TBL1XR1: variants seen among roughly 807,000 people sequenced by gnomAD.
The protein encoded by TBL1XR1 is TBL1X/Y related 1.
A neutral mutation model predicts 66.9 loss-of-function variants in TBL1XR1; 5 were observed. The ratio of observed to expected loss-of-function variants is 0.07; its 90% CI spans 0.04 to 0.16. TBL1XR1 has a LOEUF of 0.16. Among genes scored for constraint, TBL1XR1 ranks in the 10% least tolerant of loss-of-function variants. The pLI is 1.00. For synonymous variants in TBL1XR1, 210 were observed against 206.0 expected (o/e 1.02, Z -0.17); for missense variants, 238 against 623.2 (o/e 0.38, Z 6.58).
At chr3:177,135,540 C>G (rs1291091657) in intron 1 of TBL1XR1, among the ~76,000 whole-genome samples, 2 of 150,588 alleles carry the variant, frequency 1.3e-5, no homozygotes, top group African/African-American at 4.9e-5. Context: ...CCCGCCACCA[C>G]GCCTGGCTAA....
chr3:177,171,754 T>G (rs114803937), intron 1 of TBL1XR1, among the ~76,000 whole-genome samples: 3,225 of 83,202 alleles, frequency 0.039, 130 homozygotes, highest in African/African-American at 0.13. Context: ...AAAAAAGAAA[T>G]CCAGGGCTTT....
intron 2 of TBL1XR1, among the ~76,000 whole-genome samples, chr3:177,083,080 C>T (rs1721644685): frequency 6.6e-6 from 1 of 151,928 alleles, no homozygotes; most frequent in South Asian, 2.1e-4. Flanking sequence ...CAATAAAAAT[C>T]ATACAGCATT....
chr3:177,064,538 T>C (rs1718916573), intron 3 of TBL1XR1, among the ~76,000 whole-genome samples: 2 of 152,216 alleles, frequency 1.3e-5, no homozygotes, highest in Admixed American at 1.3e-4. Context: ...ATACTGTTAA[T>C]TTAATTTCCA....
intron 1 of TBL1XR1, among the ~76,000 whole-genome samples, chr3:177,139,049 A>C (rs73171109): frequency 0.094 from 14,260 of 152,240 alleles, 812 homozygotes; most frequent in Admixed American, 0.17. Flanking sequence ...TGCACCAAAA[A>C]TTTGCCAAAA....
chr3:177,043,086 T>C (rs1442819947), intron 10 of TBL1XR1, among the ~76,000 whole-genome samples: 1 of 152,096 alleles, frequency 6.6e-6, no homozygotes, highest in Non-Finnish European at 1.5e-5. Flanking sequence ...GAAGTGTGGG[T>C]TCCTGAGTAC....
rs1712096174 is a variant in TBL1XR1 at position 177,019,557 on chromosome 3, C to G, written c.*5941G>C. ...ACTTTGGTACAGCAGAGAAAAGCAC[C>G]ATAAAACTACCATCTAAAGTGTCTT... On this transcript the variant is annotated 3_prime_UTR_variant, in exon 16 of 16. Transcript: ENST00000457928. 6.6e-6 allele frequency: 1 copy of G among 152,116 alleles called. No homozygotes were observed. The highest frequency in any genetic ancestry group is 2.4e-5 in the African/African-American group (1 of 41,426). The allele number at this position is 152,116 out of a possible 1,614,324, so 9.4% of individuals were successfully genotyped here.
At chr3:177,176,204 T>C (rs1734129365) in intron 1 of TBL1XR1, among the ~76,000 whole-genome samples, 1 of 152,044 alleles carries the variant, frequency 6.6e-6, no homozygotes, top group African/African-American at 2.4e-5. Flanking sequence ...TTTCTTGTTT[T>C]TTGTTTTTGA....
intron 3 of TBL1XR1, among the ~76,000 whole-genome samples, chr3:177,060,791 A>G (rs1410665708): frequency 6.6e-6 from 1 of 152,252 alleles, no homozygotes; most frequent in East Asian, 1.9e-4. Context: ...ATGTACCACT[A>G]AGTATTTATC....
intron 2 of TBL1XR1, among the ~76,000 whole-genome samples, chr3:177,075,420 A>T (rs957786894): frequency 6.6e-6 from 1 of 152,218 alleles, no homozygotes; most frequent in Non-Finnish European, 1.5e-5. Context: ...TCCATTCCAA[A>T]TAAGTCACAT....
At chr3:177,047,704 A>C (rs1716507149) in intron 7 of TBL1XR1, 155 bp from the exon 8 acceptor site, 2 of 730,714 alleles carry the variant, frequency 2.7e-6, no homozygotes, top group Non-Finnish European at 4.5e-6. Flanking sequence ...GTGCCACTAA[A>C]GGCCTATGAA....
intron 3 of TBL1XR1, among the ~76,000 whole-genome samples, chr3:177,055,453 CCT>C (rs1717674619): frequency 6.7e-6 from 1 of 149,444 alleles, no homozygotes; most frequent in East Asian, 2.0e-4. Flanking sequence ...GATTTTAGCC[CCT>C]GATTTTGCCC....
chr3:177,201,479 G>T (rs1310168416), upstream of TBL1XR1, among the ~76,000 whole-genome samples: 2 of 151,216 alleles, frequency 1.3e-5, no homozygotes, highest in Non-Finnish European at 2.9e-5. Flanking sequence ...TTTCCGAGAG[G>T]AGTGTGGCAT....
chr3:177,197,930 G>C (rs1577472521), upstream of TBL1XR1, among the ~76,000 whole-genome samples: 1 of 150,426 alleles, frequency 6.6e-6, no homozygotes, highest in East Asian at 2.0e-4. Context: ...GGGCGGGGAG[G>C]CCCGCGCGGT....
chr3:177,063,019 A>G (rs1718715233), intron 3 of TBL1XR1, among the ~76,000 whole-genome samples: 1 of 152,086 alleles, frequency 6.6e-6, no homozygotes, highest in Admixed American at 6.6e-5. Context: ...CTAGAATCCC[A>G]GCTACTTGGG....
chr3:177,160,393 G>A lies in TBL1XR1; in HGVS notation c.-122+36728C>T, dbSNP rs553688743. On this transcript the variant is annotated intron_variant, in intron 1 of 15. Coordinates refer to ENST00000457928, the MANE Select transcript of TBL1XR1 (RefSeq NM_024665.7). Reference sequence around the variant, plus strand: ...GGAGGCCAAGGCAGGAGAATGGCGCGAACCCGGGAGACTGAGCTTGCAGTG... The same window carrying A: ...GGAGGCCAAGGCAGGAGAATGGCGCAAACCCGGGAGACTGAGCTTGCAGTG... 4.0e-5 allele frequency among the ~76,000 whole-genome samples: 6 copies of A among 151,524 alleles called. No individual in the cohort carries two copies. The South Asian group carries it at 8.4e-4, about 21-fold the overall frequency.
chr3:177,126,395 T>C (rs1727637530), intron 1 of TBL1XR1, among the ~76,000 whole-genome samples: 1 of 152,242 alleles, frequency 6.6e-6, no homozygotes. Flanking sequence ...TCCAATCATT[T>C]GTTAAACATC....
At chr3:177,079,331 G>C (rs1363824879) in intron 2 of TBL1XR1, 1 of 151,752 alleles carries the variant, frequency 6.6e-6, no homozygotes, top group South Asian at 2.1e-4. Context: ...TACTCGGGAG[G>C]CTGAAGCAGG....
At chr3:177,079,763 T>C (rs548932866) in intron 2 of TBL1XR1, 1 of 150,344 alleles carries the variant, frequency 6.7e-6, no homozygotes, top group East Asian at 2.0e-4. Context: ...GAATGAGGAC[T>C]AGTAACTAAT....
intron 1 of TBL1XR1, among the ~76,000 whole-genome samples, chr3:177,182,500 A>T (rs1183269897): frequency 6.6e-6 from 1 of 152,228 alleles, no homozygotes; most frequent in Non-Finnish European, 1.5e-5. Context: ...CACAAAAGCA[A>T]CAAGAGTCTA....
Sources: allele counts gnomAD v4.1 joint callset (sites outside exome capture counted in the v4.1 genomes callset), GRCh38; gene constraint gnomAD v4.1.1; transcripts MANE v1.5; gene names NCBI Gene and HGNC (gene_info 2026-07-23, HGNC 2026-07-21).